Variants in SPATA21 observed in about 807,000 individuals in gnomAD.
SPATA21 encodes the protein spermatogenesis-associated protein 21.
In SPATA21, 47 loss-of-function variants were observed where a neutral mutation model predicts 54.8. The ratio of observed to expected loss-of-function variants is 0.86; its 90% CI spans 0.68 to 1.09. SPATA21 has a LOEUF of 1.09. SPATA21 is among the 50% of genes least tolerant of loss of function. The pLI, the probability that SPATA21 is intolerant of heterozygous loss-of-function variation, is 0.00. For missense variants in SPATA21, 599 were observed against 596.4 expected (o/e 1.00, Z -0.05); for synonymous variants, 245 against 235.3 (o/e 1.04, Z -0.38).
At chr1:16,429,378 T>C (rs10907228) in intron 3 of SPATA21, among the ~76,000 whole-genome samples, 91,707 of 151,668 alleles carry the variant, frequency 0.6, 28,247 homozygotes, top group East Asian at 0.91. Flanking sequence ...GCAATCCACC[T>C]ATCTCTGCCT....
intron 5 of SPATA21, 84 bp from the exon 6 acceptor site, chr1:16,410,127 G>T: frequency 8.6e-7 from 1 of 1,166,724 alleles, no homozygotes. Context: ...CCTCTCCAGA[G>T]ATCCTCAGAC....
intron 5 of SPATA21, among the ~76,000 whole-genome samples, chr1:16,410,466 A>G (rs1319333587): frequency 6.6e-6 from 1 of 151,004 alleles, no homozygotes; most frequent in Non-Finnish European, 1.5e-5. Context: ...GCTGGAGTGC[A>G]GTGGTGTGAT....
chr1:16,405,152 G>T (rs526481), intron 7 of SPATA21, 48 bp from the exon 8 acceptor site: 8 of 1,564,624 alleles, frequency 5.1e-6, no homozygotes, highest in Non-Finnish European at 6.9e-6. Flanking sequence ...TCTTGTTTCT[G>T]TCATTCATCC....
chr1:16,428,060 G>A lies in SPATA21; in HGVS notation c.34+3278C>T. ...GCAGTGGCTTGAGGGCTGGCATTGA[G>A]TACCCGTTCTGGAGTGATCCCTCCC... On this transcript the variant is annotated intron_variant, in intron 3 of 12. Coordinates refer to ENST00000335496, the MANE Select transcript of SPATA21 (RefSeq NM_198546.1). The surrounding 1 kb of genome is among the most constrained non-coding windows in gnomAD (Gnocchi z 4.3). 4 of 1,529,524 alleles carry A rather than the reference G, an allele frequency of 2.6e-6. No individual in the cohort carries two copies. Among genetic ancestry groups the A allele is most frequent in the Non-Finnish European group, 3.5e-6 (4 of 1,131,356 alleles). The allele number at this position is 1,529,524 out of a possible 1,614,324, so 94.7% of individuals were successfully genotyped here. A position where few individuals can be genotyped will look rare whatever the true frequency, so the allele number is the denominator to read the frequency against.
intron 7 of SPATA21, among the ~76,000 whole-genome samples, chr1:16,406,173 A>G (rs2085634816): frequency 6.6e-6 from 1 of 151,490 alleles, no homozygotes; most frequent in African/African-American, 2.4e-5. Flanking sequence ...AGGCTGGAGT[A>G]CAGTGGTGCA....
rs1248172629 is a variant in SPATA21, at chr1:16,414,753, G to T, written c.145-4710C>A. Among the ~76,000 whole-genome samples the T allele has an allele frequency of 5.3e-5, 8 of 151,844 alleles. No homozygotes were observed. In the East Asian group the frequency reaches 1.6e-3, roughly 30 times the overall value. On this transcript the variant is annotated intron_variant, in intron 5 of 12. Coordinates refer to ENST00000335496, the MANE Select transcript of SPATA21 (RefSeq NM_198546.1). ...CTGCTAAAAATACAAAATTAGCTGG[G>T]GTTGTTCGCATGCCTGTAATCCCAG... is the stretch of plus-strand genomic sequence containing the variant.
In SPATA21 at chr1:16,428,009, A is replaced by G; in HGVS notation, c.34+3329T>C. ...CTGCCCACTTCCGAAGCATCCGGAA[A>G]CATGACCTGGACAGAGATATCCATG... On this transcript the variant is annotated intron_variant, in intron 3 of 12. Coordinates refer to ENST00000335496, the MANE Select transcript of SPATA21 (RefSeq NM_198546.1). This position sits in a 1 kb window ranked among gnomAD's most constrained non-coding sequence, Gnocchi z 4.3. 1 of 1,548,842 alleles carries G rather than the reference A, an allele frequency of 6.5e-7. No individual in the cohort carries two copies.
At chr1:16,403,868 C>T in intron 9 of SPATA21, 24 bp from the exon 10 acceptor site, 1 of 1,609,212 alleles carries the variant, frequency 6.2e-7, no homozygotes, top group Non-Finnish European at 8.5e-7. Flanking sequence ...ATAGTGGCTG[C>T]CGTTACCACT....
chr1:16,400,780 A>G lies in SPATA21; in HGVS notation c.1114T>C (p.Ser372Pro). The change falls in exon 11 of 13, where the codon TCA becomes CCA. Residue 372 changes from serine (S) to proline (P), a missense_variant. Coordinates refer to ENST00000335496, the MANE Select transcript of SPATA21 (RefSeq NM_198546.1). The stretch of plus-strand genomic sequence containing the variant: ...AGGACCTTTCGTTCTGGAACTTCTG[A>G]GCTCTCTTCTTGCTGGGGGTTGTAG... ...LPYNPQQEES[S>P]EVPERKVLSI... is the part of the protein sequence containing the mutation. 1 of 1,613,620 alleles carries G rather than the reference A, an allele frequency of 6.2e-7. No individual in the cohort carries two copies.
In SPATA21 at chr1:16,430,666, G is replaced by A. The variant is rs554798387; in HGVS notation, c.34+672C>T. On this transcript the variant is annotated intron_variant, in intron 3 of 12. Transcript: ENST00000335496. ...GTTTGCTCACCCTGCAGCTCTTTCC[G>A]TTACAGAAGCCAGCATTGTTTTTGG... Among the ~76,000 whole-genome samples the A allele has an allele frequency of 5.3e-5, 8 of 152,262 alleles. No individual in the cohort carries two copies. The East Asian group carries it at 5.8e-4, about 11-fold the overall frequency.
At chr1:16,410,565 C>T (rs2085811204) in intron 5 of SPATA21, among the ~76,000 whole-genome samples, 1 of 152,122 alleles carries the variant, frequency 6.6e-6, no homozygotes, top group African/African-American at 2.4e-5. Context: ...TGTGCACCAC[C>T]ATGCCCAGCT....
chr1:16,404,015 T>G lies in SPATA21; in HGVS notation c.836A>C (p.Asp279Ala). The change falls in exon 9 of 13, where the codon GAC becomes GCC. Residue 279 changes from aspartate (D) to alanine (A), a missense_variant. By Grantham distance (126) the Asp-to-Ala change is moderately radical. Transcript: ENST00000335496. ...VNGDGRVDFK[D>A]FLAVMTDTRR... ...GGTGTCTGTCATCACAGCCAAGAAG[T>G]CTTTGAAGTCCACACGACCATCTCC... is the stretch of plus-strand genomic sequence containing the variant. 1 of 1,557,932 alleles carries G rather than the reference T, an allele frequency of 6.4e-7. No homozygotes were observed. The highest frequency in any genetic ancestry group is 1.4e-5 in the African/African-American group (1 of 73,396).
intron 3 of SPATA21, chr1:16,427,927 T>C (rs1369044330): frequency 6.5e-7 from 1 of 1,550,270 alleles, no homozygotes; most frequent in South Asian, 1.2e-5. Flanking sequence ...CTCAAATGCA[T>C]CTCTGAGTCT....
At chr1:16,408,574 C>T (rs1034959559) in intron 7 of SPATA21, 3 of 977,476 alleles carry the variant, frequency 3.1e-6, no homozygotes, top group Non-Finnish European at 3.6e-6. Flanking sequence ...GACTTCGAGT[C>T]AGAAGACCTA....
rs971851326 is a variant in SPATA21, at chr1:16,409,834, G to A, written c.354C>T (p.Thr118=). Residue 118 remains threonine (T), a synonymous_variant, in exon 6 of 13, where the codon ACC becomes ACT. Coordinates refer to ENST00000335496, the MANE Select transcript of SPATA21 (RefSeq NM_198546.1). The surrounding 1 kb of genome is among the most constrained non-coding windows in gnomAD (Gnocchi z 4.1). ...QTAQKSPRTL[T]PVPTSAPSLP... The stretch of plus-strand genomic sequence containing the variant: ...GGCTTGGAGCTGAGGTGGGCACCGG[G>A]GTCAGGGTCCTGGGCGACTTCTGGG... 2 of 1,600,764 alleles carry A rather than the reference G, an allele frequency of 1.2e-6. No homozygotes were observed. Among genetic ancestry groups the A allele is most frequent in the South Asian group, 2.2e-5 (2 of 88,900 alleles).
chr1:16,404,824 C>A (rs1257634663), intron 8 of SPATA21, 143 bp downstream of exon 8: 9 of 969,124 alleles, frequency 9.3e-6, no homozygotes, highest in Non-Finnish European at 1.3e-5. Flanking sequence ...ACAAGAACAA[C>A]AAAGGCATTT....
intron 12 of SPATA21, 43 bp downstream of exon 12, chr1:16,399,301 A>C (rs768481302): frequency 6.4e-7 from 1 of 1,550,766 alleles, no homozygotes; most frequent in Admixed American, 2.0e-5. Flanking sequence ...TTAAGGAAGA[A>C]TCTGGAAGGG....
At position 16,409,448 on chromosome 1, in the gene SPATA21, T is replaced by A. The variant is rs573952328; in HGVS notation, c.587+153A>T. Among the ~76,000 whole-genome samples the A allele has an allele frequency of 1.3e-5, 2 of 151,710 alleles. No individual in the cohort carries two copies. ...AGAAGTGGGAGAGGAGGCAGAGACATGGGAGATGCGGAGAGGAGACACATG... is the reference window on the plus strand; with the variant it reads ...AGAAGTGGGAGAGGAGGCAGAGACAAGGGAGATGCGGAGAGGAGACACATG... On this transcript the variant is annotated intron_variant, in intron 6 of 12. Transcript: ENST00000335496. This position sits in a 1 kb window ranked among gnomAD's most constrained non-coding sequence, Gnocchi z 4.1.
intron 3 of SPATA21, among the ~76,000 whole-genome samples, chr1:16,429,402 G>A (rs1319998210): frequency 6.6e-6 from 1 of 151,864 alleles, no homozygotes; most frequent in African/African-American, 2.4e-5. Context: ...AAAGTATTGG[G>A]AGCAGGCGTG....
Sources: gnomAD v4.1 joint callset for allele counts (sites outside exome capture counted in the v4.1 genomes callset) on GRCh38, gnomAD v4.1.1 for gene constraint, Gnocchi (gnomAD v3.1) non-coding constraint, MANE v1.5 for transcripts, NCBI Gene and HGNC (gene_info 2026-07-23, HGNC 2026-07-21) for gene names.